CRX: variants seen among roughly 807,000 people sequenced by gnomAD.
CRX encodes the protein cone-rod homeobox protein.
CRX carries 5 observed loss-of-function variants against 13.1 expected under a neutral mutation model. That is an observed-to-expected ratio of 0.38 (90% CI 0.20 to 0.80). CRX has a LOEUF of 0.80. Ranked by LOEUF, CRX falls within the 30% of genes least tolerant of loss-of-function variation. The pLI is 0.43. For missense variants in CRX, 351 were observed against 391.8 expected (o/e 0.90, Z 0.88); for synonymous variants, 179 against 171.1 (o/e 1.05, Z -0.36).
In CRX at chr19:47,839,702, G is replaced by A; in HGVS notation, c.635G>A (p.Ser212Asn). The change falls in exon 4 of 4, where the codon AGC (serine) becomes AAC (asparagine). Residue 212 changes from serine (S) to asparagine (N), a missense_variant. Physicochemically the swap from Ser to Asn is conservative, Grantham distance 46. Transcript: ENST00000221996. The surrounding 1 kb of genome is among the most constrained non-coding windows in gnomAD (Gnocchi z 4.6). ...TCCCCCTCCGCCTATGGGTCTCCGA[G>A]CTCCTATTTCAGCGGCCTAGACCCC... is the stretch of plus-strand genomic sequence containing the variant. ...CSSPSAYGSP[S>N]SYFSGLDPYL... is the part of the protein sequence containing the mutation. 1.2e-6 allele frequency: 2 copies of A among 1,613,922 alleles called. No homozygotes were observed. Among genetic ancestry groups the A allele is most frequent in the South Asian group, 1.1e-5 (1 of 91,078 alleles).
intron 1 of CRX, among the ~76,000 whole-genome samples, chr19:47,828,210 CAAG>C: frequency 6.6e-6 from 1 of 152,004 alleles, no homozygotes; most frequent in East Asian, 1.9e-4. Context: ...GGAACGGAAC[CAAG>C]AAGTTCAATT....
intron 3 of CRX, among the ~76,000 whole-genome samples, chr19:47,838,574 C>T (rs1285781356): frequency 6.6e-6 from 1 of 151,978 alleles, no homozygotes; most frequent in Non-Finnish European, 1.5e-5. Context: ...GATGCATGTA[C>T]ACTTGCATGT....
intron 2 of CRX, among the ~76,000 whole-genome samples, chr19:47,834,962 A>C (rs1968098018): frequency 6.8e-6 from 1 of 147,474 alleles, no homozygotes; most frequent in Admixed American, 6.8e-5. Flanking sequence ...TGCAGGTGTG[A>C]GCCATTGTGC....
intron 1 of CRX, among the ~76,000 whole-genome samples, chr19:47,825,364 G>C (rs182379273): frequency 6.6e-6 from 1 of 152,218 alleles, no homozygotes; most frequent in Non-Finnish European, 1.5e-5. Flanking sequence ...GGGCTCAAGC[G>C]ATCTTCCCAC....
chr19:47,831,194 C>A (rs1333420316), intron 1 of CRX, among the ~76,000 whole-genome samples: 1 of 151,324 alleles, frequency 6.6e-6, no homozygotes, highest in African/African-American at 2.4e-5. Context: ...GTAATCCCAG[C>A]TCCTCAGGAG....
At position 47,836,840 on chromosome 19, in the gene CRX, C is replaced by T. The variant is rs541586288; in HGVS notation, c.252+446C>T. ...CTAGAATGTCAATTCCACTGACGGA[C>T]ACTCAGAGTAGTAGAAAATGGTTAA... is the stretch of plus-strand genomic sequence containing the variant. On this transcript the variant is annotated intron_variant, in intron 3 of 3. Transcript: ENST00000221996. Among the ~76,000 whole-genome samples, 3 of 152,298 alleles carry T rather than the reference C, an allele frequency of 2.0e-5. No homozygotes were observed. In the South Asian group the frequency reaches 6.2e-4, roughly 32 times the overall value.
At chr19:47,835,290 C>T (rs12983613) in intron 2 of CRX, among the ~76,000 whole-genome samples, 96,644 of 151,562 alleles carry the variant, frequency 0.64, 31,788 homozygotes, top group African/African-American at 0.72. Context: ...ACTCTTGGGT[C>T]CAAATAATCC....
In CRX at chr19:47,822,508, G is replaced by A. The variant is rs573897339; in HGVS notation, c.-36+498G>A. 3.2e-4 allele frequency among the ~76,000 whole-genome samples: 48 copies of A among 152,320 alleles called. 2 individuals are homozygous for A. In the South Asian group the frequency reaches 9.5e-3, roughly 30 times the overall value. On this transcript the variant is annotated intron_variant, in intron 1 of 3. Transcript: ENST00000221996. ...GATTTGCCTAAATATGTGTTGCATAGATGGATGGATGAATGACAGACAAGG... is the reference window on the plus strand; with the variant it reads ...GATTTGCCTAAATATGTGTTGCATAAATGGATGGATGAATGACAGACAAGG...
rs71180887 is a variant in CRX, at chr19:47,827,537, C to CTTTTTTTTTT, written c.-36+5539_-36+5548dup. Among the ~76,000 whole-genome samples the CTTTTTTTTTT allele has an allele frequency of 1.4e-4, 13 of 90,354 alleles. 1 individual carries two copies. Among genetic ancestry groups the CTTTTTTTTTT allele is most frequent in the Middle Eastern group, 6.8e-3 (1 of 146 alleles). 59.3% of individuals were successfully genotyped at this position (90,354 alleles called of 152,430 possible). ...GGGAGTTCTTGAAACTTTCTGAAGG[C>CTTTTTTTTTT]TTTTTTTTTTTTTTTTTTTTTGACA... On this transcript the variant is annotated intron_variant, in intron 1 of 3. Transcript: ENST00000221996.
intron 1 of CRX, among the ~76,000 whole-genome samples, chr19:47,827,686 G>A (rs533824528): frequency 3.9e-4 from 58 of 149,204 alleles, no homozygotes; most frequent in African/African-American, 1.4e-3. Flanking sequence ...ATCATGTCTG[G>A]CTAATTTTTG....
intron 3 of CRX, among the ~76,000 whole-genome samples, chr19:47,837,194 T>A (rs1398515421): frequency 2.0e-5 from 3 of 152,072 alleles, no homozygotes; most frequent in South Asian, 2.1e-4. Context: ...TGAAATGGAG[T>A]CTCGCTCTGT....
In CRX at chr19:47,836,310, A is replaced by C; in HGVS notation, c.168A>C (p.Ala56=). The change falls in exon 3 of 4, where the codon GCA becomes GCC. Residue 56 remains alanine (A), a synonymous_variant. Coordinates refer to ENST00000221996, the MANE Select transcript of CRX (RefSeq NM_000554.6). ...GGAGCCAACTGGAGGAGCTGGAGGCACTGTTTGCCAAGACCCAGTACCCAG... is the reference window on the plus strand; with the variant it reads ...GGAGCCAACTGGAGGAGCTGGAGGCCCTGTTTGCCAAGACCCAGTACCCAG... ...FTRSQLEELE[A]LFAKTQYPDV... is the part of the protein sequence containing the mutation. 6.2e-7 allele frequency: 1 copy of C among 1,614,124 alleles called. No homozygotes were observed. Among genetic ancestry groups the C allele is most frequent in the East Asian group, 2.2e-5 (1 of 44,876 alleles).
chr19:47,825,765 C>CAAAAAA (rs774130693), intron 1 of CRX, among the ~76,000 whole-genome samples: 13 of 143,570 alleles, frequency 9.1e-5, no homozygotes, highest in South Asian at 4.5e-4. Flanking sequence ...ACTAAAAATA[C>CAAAAAA]AAAAAAAAAA....
At chr19:47,837,858 G>A (rs1002563644) in intron 3 of CRX, among the ~76,000 whole-genome samples, 29 of 152,124 alleles carry the variant, frequency 1.9e-4, no homozygotes, top group Admixed American at 3.3e-4. Flanking sequence ...ACTGGTGAAT[G>A]TGTGTATGAC....
chr19:47,843,314 G>A lies in CRX; in HGVS notation c.*3347G>A, dbSNP rs1453483968. On this transcript the variant is annotated 3_prime_UTR_variant, in exon 4 of 4. Transcript: ENST00000221996. ...CCCACAGAGTGAAACCAATTAAAAT[G>A]TTGGATCTCATTTAAAGTCTGGGTG... 1 of 152,226 alleles carries A rather than the reference G, an allele frequency of 6.6e-6. No individual in the cohort carries two copies. Among genetic ancestry groups the A allele is most frequent in the Non-Finnish European group, 1.5e-5 (1 of 68,082 alleles). The allele number at this position is 152,226 out of a possible 1,614,324, so 9.4% of individuals were successfully genotyped here. A position where few individuals can be genotyped will look rare whatever the true frequency, so the allele number is the denominator to read the frequency against.
At chr19:47,828,469 G>C (rs1968003309) in intron 1 of CRX, among the ~76,000 whole-genome samples, 1 of 152,054 alleles carries the variant, frequency 6.6e-6, no homozygotes, top group African/African-American at 2.4e-5. Context: ...ATTTATTGGG[G>C]GTGCTGGGGA....
intron 2 of CRX, among the ~76,000 whole-genome samples, chr19:47,835,620 G>GTTTTTTTTTTTTTTTTTTT (rs34872129): frequency 3.9e-5 from 4 of 102,196 alleles, no homozygotes; most frequent in African/African-American, 1.6e-4. Context: ...TTTAGCTCTT[G>GTTTTTTTTTTTTTTTTTTT]TTTTTTTTTT....
chr19:47,827,836 T>TA lies in CRX; in HGVS notation c.-36+5861dup, dbSNP rs1156465404. Among the ~76,000 whole-genome samples the TA allele has an allele frequency of 6.6e-3, 277 of 41,726 alleles. 2 individuals carry two copies. Among genetic ancestry groups the TA allele is most frequent in the East Asian group, 0.023 (20 of 874 alleles). The allele number at this position is 41,726 out of a possible 152,430, so 27.4% of individuals were successfully genotyped here. ...CTGCTCCTGGCCATGGCATCTTTAT[T>TA]AAAAAAAAAAAAAAAAAAAAAAAAA... On this transcript the variant is annotated intron_variant, in intron 1 of 3. Coordinates refer to ENST00000221996, the MANE Select transcript of CRX (RefSeq NM_000554.6).
At chr19:47,827,368 T>C (rs1967985802) in intron 1 of CRX, among the ~76,000 whole-genome samples, 1 of 151,888 alleles carries the variant, frequency 6.6e-6, no homozygotes, top group Non-Finnish European at 1.5e-5. Flanking sequence ...CGGTGTGAGA[T>C]TCCAGCCTCC....
Sources: gnomAD v4.1 joint callset for allele counts (sites outside exome capture counted in the v4.1 genomes callset) on GRCh38, gnomAD v4.1.1 for gene constraint, Gnocchi (gnomAD v3.1) non-coding constraint, MANE v1.5 for transcripts, NCBI Gene and HGNC (gene_info 2026-07-23, HGNC 2026-07-21) for gene names.